Variants in TTC6 observed in about 807,000 individuals in gnomAD.
TTC6 encodes tetratricopeptide repeat domain 6.
In TTC6, 172 loss-of-function variants were observed where a neutral mutation model predicts 210.4. That is an observed-to-expected ratio of 0.82 (90% CI 0.72 to 0.93). TTC6 has a LOEUF of 0.93. Ranked by LOEUF, TTC6 falls within the 40% of genes least tolerant of loss-of-function variation. TTC6 has a pLI of 0.00. For synonymous variants in TTC6, 804 were observed against 819.6 expected (o/e 0.98, Z 0.32); for missense variants, 2,414 against 2,318.1 (o/e 1.04, Z -0.85).
chr14:37,642,653 G>A (rs2139389767), intron 1 of TTC6, among the ~76,000 whole-genome samples: 1 of 152,214 alleles, frequency 6.6e-6, no homozygotes, highest in East Asian at 1.9e-4. Flanking sequence ...GAGCTACTTT[G>A]ACTCTTAACA....
chr14:37,746,597 G>A (rs1172881867), intron 10 of TTC6, among the ~76,000 whole-genome samples: 1 of 152,140 alleles, frequency 6.6e-6, no homozygotes, highest in Non-Finnish European at 1.5e-5. Context: ...TGGGTGTTCT[G>A]GCTAAGGCTG....
chr14:37,776,818 C>T (rs369288772), intron 14 of TTC6, among the ~76,000 whole-genome samples: 15 of 120,958 alleles, frequency 1.2e-4, no homozygotes, highest in South Asian at 8.9e-4. Context: ...CTGGGTTGGG[C>T]GGGGGCGGGC....
intron 29 of TTC6, among the ~76,000 whole-genome samples, chr14:37,840,094 C>T (rs1177199220): frequency 1.3e-5 from 2 of 151,328 alleles, no homozygotes; most frequent in Non-Finnish European, 3.0e-5. Flanking sequence ...TCCAGCTAGC[C>T]AGACTAATAA....
chr14:37,626,510 T>A (rs1373916512), intron 1 of TTC6, among the ~76,000 whole-genome samples: 2 of 152,182 alleles, frequency 1.3e-5, no homozygotes, highest in Admixed American at 1.3e-4. Flanking sequence ...TAGATATCCT[T>A]TTTCTCTATT....
chr14:37,753,743 ATTT>A (rs3062809), intron 14 of TTC6, among the ~76,000 whole-genome samples: 38 of 139,380 alleles, frequency 2.7e-4, no homozygotes, highest in South Asian at 6.9e-4. Flanking sequence ...TAATTTTTCA[ATTT>A]TTTTTTTTTT....
At chr14:37,814,340 G>T (rs769256406) in intron 25 of TTC6, among the ~76,000 whole-genome samples, 2 of 152,098 alleles carry the variant, frequency 1.3e-5, no homozygotes, top group African/African-American at 2.4e-5. Flanking sequence ...ATCTGTGTAT[G>T]ATTCATGCCC....
intron 26 of TTC6, among the ~76,000 whole-genome samples, chr14:37,821,023 CTCTTCT>C (rs10599374): frequency 0.87 from 125,998 of 145,306 alleles, 55,052 homozygotes; most frequent in Middle Eastern, 0.93. Context: ...CTTCTTCTTC[CTCTTCT>C]TCTTCTTCTT....
In TTC6 at chr14:37,787,644, TG is replaced by T; in HGVS notation, c.3436+8del. On this transcript the variant is annotated splice_region_variant and intron_variant, in intron 15 of 30. Coordinates refer to ENST00000553443, the Ensembl canonical transcript of TTC6. ...CAGGATTATAGTGTTTCAGGTACTT[TG>T]CCTTCAATTACATGTATATAGCAAC... is the stretch of plus-strand genomic sequence containing the variant. The T allele has an allele frequency of 6.9e-7, 1 of 1,443,552 alleles. No individual in the cohort carries two copies. Among genetic ancestry groups the T allele is most frequent in the South Asian group, 1.5e-5 (1 of 68,446 alleles). 89.4% of individuals were successfully genotyped at this position (1,443,552 alleles called of 1,614,324 possible).
intron 3 of TTC6, among the ~76,000 whole-genome samples, chr14:37,693,910 C>G (rs1358042274): frequency 6.6e-6 from 1 of 151,998 alleles, no homozygotes; most frequent in Non-Finnish European, 1.5e-5. Context: ...TATGTCTCAC[C>G]ATAGACAAAA....
intron 14 of TTC6, 79 bp downstream of exon 16, chr14:37,753,314 A>C: frequency 8.0e-7 from 1 of 1,242,348 alleles, no homozygotes; most frequent in East Asian, 2.6e-5. Flanking sequence ...ATTGCTTGAA[A>C]TACATCAGAC....
chr14:37,779,142 A>T (rs1389927841), intron 14 of TTC6, among the ~76,000 whole-genome samples: 2 of 152,122 alleles, frequency 1.3e-5, no homozygotes, highest in Admixed American at 1.3e-4. Flanking sequence ...TGCTCAACTC[A>T]TCCTTTCCCC....
Position 37,785,885 on chromosome 14 carries a change from G to C in TTC6, c.3267-1583G>C, listed in dbSNP as rs991331555. Among the ~76,000 whole-genome samples the C allele has an allele frequency of 4.5e-4, 69 of 152,122 alleles. 1 individual carries two copies. The highest frequency in any genetic ancestry group is 6.5e-4 in the Admixed American group (10 of 15,270). On this transcript the variant is annotated intron_variant, in intron 14 of 30. Coordinates refer to ENST00000553443, the Ensembl canonical transcript of TTC6. The stretch of plus-strand genomic sequence containing the variant: ...TGCAGGTCTGTTGGAGTTTGCTGGA[G>C]GTCCACTCCAGATGCTGTTTGCCTG...
intron 17 of TTC6, among the ~76,000 whole-genome samples, chr14:37,793,490 G>A (rs1216368139): frequency 6.6e-6 from 1 of 152,214 alleles, no homozygotes; most frequent in African/African-American, 2.4e-5. Context: ...AGGACCCAGT[G>A]TGACTAGAGT....
At chr14:37,758,633 T>G (rs1486459641) in intron 14 of TTC6, among the ~76,000 whole-genome samples, 1 of 152,196 alleles carries the variant, frequency 6.6e-6, no homozygotes, top group Non-Finnish European at 1.5e-5. Context: ...TCTTGACTCT[T>G]TATCCAATTT....
At chr14:37,654,823 T>G (rs541071954) in intron 1 of TTC6, among the ~76,000 whole-genome samples, 33 of 152,312 alleles carry the variant, frequency 2.2e-4, no homozygotes, top group African/African-American at 7.7e-4. Flanking sequence ...TTATTTTACA[T>G]AATAGCACGC....
intron 1 of TTC6, among the ~76,000 whole-genome samples, chr14:37,670,907 G>A (rs2095757002): frequency 6.6e-6 from 1 of 152,126 alleles, no homozygotes; most frequent in African/African-American, 2.4e-5. Flanking sequence ...GAGATTTTAG[G>A]TTCTTTAGGA....
intron 1 of TTC6, among the ~76,000 whole-genome samples, chr14:37,649,861 T>C (rs1328281576): frequency 6.6e-6 from 1 of 152,238 alleles, no homozygotes; most frequent in Non-Finnish European, 1.5e-5. Flanking sequence ...ACTCCTGTAT[T>C]CTTTGATGTT....
intron 14 of TTC6, among the ~76,000 whole-genome samples, chr14:37,780,138 A>G (rs1471111782): frequency 1.3e-5 from 2 of 152,264 alleles, no homozygotes; most frequent in African/African-American, 4.8e-5. Flanking sequence ...AAACATATAT[A>G]TGCTCAAAAT....
At chr14:37,788,450 C>T (rs1173268473) in intron 15 of TTC6, among the ~76,000 whole-genome samples, 2 of 152,100 alleles carry the variant, frequency 1.3e-5, no homozygotes, top group African/African-American at 4.8e-5. Flanking sequence ...GTGATAGTTA[C>T]TTGATTGTCT....
Sources: gnomAD v4.1 joint callset for allele counts (sites outside exome capture counted in the v4.1 genomes callset) on GRCh38, gnomAD v4.1.1 for gene constraint, MANE v1.5 for transcripts, NCBI Gene and HGNC (gene_info 2026-07-23, HGNC 2026-07-21) for gene names.